Variants in EPHA3 observed in about 807,000 individuals in gnomAD.
EPHA3 encodes the protein ephrin type-A receptor 3.
EPHA3 carries 42 observed loss-of-function variants against 107.1 expected under a neutral mutation model. The observed-to-expected ratio is 0.39, with a 90% CI of 0.31 to 0.51. The LOEUF (loss-of-function observed/expected upper bound fraction) is 0.51, where lower values mean the gene tolerates loss of function less well. Ranked by LOEUF, EPHA3 falls within the 20% of genes least tolerant of loss-of-function variation. The pLI is 0.78. For missense variants in EPHA3, 1,183 were observed against 1,211.2 expected, an observed-to-expected ratio of 0.98 and a Z score of 0.35; for synonymous variants, 461 against 424.8, an observed-to-expected ratio of 1.09 and a Z score of -1.05.
chr3:89,237,313 A>G (rs1325118803), intron 3 of EPHA3, among the ~76,000 whole-genome samples: 1 of 152,164 alleles, frequency 6.6e-6, no homozygotes, highest in Admixed American at 6.5e-5. Context: ...AGAGGCTGCA[A>G]TGAGCCGAGA....
intron 5 of EPHA3, among the ~76,000 whole-genome samples, chr3:89,351,297 A>G (rs1347647773): frequency 6.6e-6 from 1 of 151,374 alleles, no homozygotes; most frequent in Non-Finnish European, 1.5e-5. Context: ...CCTCTGAGCC[A>G]GGTGTGGGAT....
In EPHA3 at chr3:89,341,051, C is replaced by A. The variant is rs1167543166; in HGVS notation, c.950C>A (p.Pro317His). 6.2e-7 allele frequency: 1 copy of A among 1,613,812 alleles called. No homozygotes were observed. Among genetic ancestry groups the A allele is most frequent in the Non-Finnish European group, 8.5e-7 (1 of 1,179,924 alleles). ...AATTACTTCCGGGCAGACAAAGACC[C>A]TCCATCCATGGCTTGTACCCGTGAG... is the stretch of plus-strand genomic sequence containing the variant. ...ENNYFRADKD[P>H]PSMACTRPPS... The change falls in exon 4 of 17, where the codon CCT becomes CAT. Residue 317 changes from proline to histidine, a missense_variant. By Grantham distance (77) the Pro-to-His change is moderately conservative (BLOSUM62 -2). Transcript: ENST00000336596.
chr3:89,155,993 A>G (rs1369534434), intron 2 of EPHA3, among the ~76,000 whole-genome samples: 1 of 152,042 alleles, frequency 6.6e-6, no homozygotes, highest in Non-Finnish European at 1.5e-5. Flanking sequence ...AAAAGAAATA[A>G]CAGTCTTTAT....
chr3:89,124,729 C>T (rs1316877236), intron 1 of EPHA3, among the ~76,000 whole-genome samples: 1 of 151,958 alleles, frequency 6.6e-6, no homozygotes, highest in Non-Finnish European at 1.5e-5. Context: ...ATTACAGCAA[C>T]ATTGCAAGAT....
At chr3:89,203,387 A>G (rs1238228635) in intron 2 of EPHA3, among the ~76,000 whole-genome samples, 1 of 151,952 alleles carries the variant, frequency 6.6e-6, no homozygotes, top group Non-Finnish European at 1.5e-5. Flanking sequence ...AACAGACTTA[A>G]AGGTATGAGA....
At chr3:89,320,191 A>G (rs1313620315) in intron 3 of EPHA3, among the ~76,000 whole-genome samples, 2 of 152,036 alleles carry the variant, frequency 1.3e-5, no homozygotes, top group Non-Finnish European at 2.9e-5. Context: ...GAATTCAAAA[A>G]GAAAATAATA....
intron 2 of EPHA3, among the ~76,000 whole-genome samples, chr3:89,190,905 T>G (rs34026076): frequency 0.53 from 80,424 of 151,958 alleles, 22,296 homozygotes; most frequent in Admixed American, 0.64. Context: ...TAACTTCATT[T>G]TCATTTAATT....
intron 5 of EPHA3, among the ~76,000 whole-genome samples, chr3:89,369,002 A>G (rs79047501): frequency 0.015 from 2,330 of 150,520 alleles, 60 homozygotes; most frequent in African/African-American, 0.053. Context: ...CTGACTCACA[A>G]TTTGAACTCA....
chr3:89,406,202 T>C (rs1315110183), intron 7 of EPHA3, among the ~76,000 whole-genome samples: 7 of 152,190 alleles, frequency 4.6e-5, no homozygotes, highest in African/African-American at 1.2e-4. Flanking sequence ...GGTTATTTTA[T>C]ATTTATGGTC....
chr3:89,419,934 G>A (rs927463461), intron 11 of EPHA3, among the ~76,000 whole-genome samples: 4 of 151,316 alleles, frequency 2.6e-5, no homozygotes, highest in Admixed American at 1.3e-4. Flanking sequence ...AAATAGTTCT[G>A]ATCTAGAAAC....
At position 89,137,310 on chromosome 3, in the gene EPHA3, A is replaced by G. The variant is rs150722852; in HGVS notation, c.153+10037A>G. Among the ~76,000 whole-genome samples, 35 of 152,120 alleles carry G rather than the reference A, an allele frequency of 2.3e-4. No individual in the cohort carries two copies. In the East Asian group the frequency reaches 6.4e-3, roughly 28 times the overall value. ...CAACTGTTTCATTCCATTACGTGTAAAACAAGAATTTATAAAAATAATTCA... is the reference window on the plus strand; with the variant it reads ...CAACTGTTTCATTCCATTACGTGTAGAACAAGAATTTATAAAAATAATTCA... On this transcript the variant is annotated intron_variant, in intron 2 of 16. Transcript: ENST00000336596.
chr3:89,174,440 C>T (rs546164558), intron 2 of EPHA3, among the ~76,000 whole-genome samples: 4 of 152,036 alleles, frequency 2.6e-5, no homozygotes, highest in South Asian at 4.1e-4. Context: ...ATACAATGAG[C>T]TTATTATCTG....
chr3:89,445,208 G>A (rs1384271245), intron 13 of EPHA3, among the ~76,000 whole-genome samples: 1 of 152,132 alleles, frequency 6.6e-6, no homozygotes, highest in Non-Finnish European at 1.5e-5. Context: ...GGAGGTTGCA[G>A]TGAGCCGAGA....
intron 3 of EPHA3, among the ~76,000 whole-genome samples, chr3:89,267,178 G>A (rs1705557913): frequency 6.6e-6 from 1 of 152,028 alleles, no homozygotes. Context: ...AAACAAATCA[G>A]GAGCAGTGGG....
At chr3:89,390,562 C>T (rs866122079) in intron 5 of EPHA3, among the ~76,000 whole-genome samples, 30 of 149,416 alleles carry the variant, frequency 2.0e-4, no homozygotes, top group Middle Eastern at 3.6e-3. Context: ...ATCGTGCCAC[C>T]GCACTCCAGC....
intron 13 of EPHA3, among the ~76,000 whole-genome samples, chr3:89,432,494 T>A (rs1408867895): frequency 2.6e-5 from 4 of 152,116 alleles, no homozygotes; most frequent in Non-Finnish European, 5.9e-5. Context: ...CAAGTGATTC[T>A]CCCGGGCTCA....
At chr3:89,211,609 T>C (rs1279681408) in intron 3 of EPHA3, among the ~76,000 whole-genome samples, 2 of 151,994 alleles carry the variant, frequency 1.3e-5, no homozygotes, top group Non-Finnish European at 2.9e-5. Context: ...CAGAACATAA[T>C]ATTTTGCTTT....
At chr3:89,135,344 C>G (rs961645478) in intron 2 of EPHA3, among the ~76,000 whole-genome samples, 1 of 152,146 alleles carries the variant, frequency 6.6e-6, no homozygotes, top group African/African-American at 2.4e-5. Context: ...TTTGATTGAT[C>G]TTTATTTCAG....
intron 13 of EPHA3, among the ~76,000 whole-genome samples, chr3:89,433,463 A>T (rs576176438): frequency 6.6e-6 from 1 of 152,302 alleles, no homozygotes; most frequent in East Asian, 1.9e-4. Flanking sequence ...AATAATAATG[A>T]CACAATGCTG....
Sources: allele counts gnomAD v4.1 joint callset (sites outside exome capture counted in the v4.1 genomes callset), GRCh38; gene constraint gnomAD v4.1.1; transcripts MANE v1.5; gene names NCBI Gene and HGNC (gene_info 2026-07-23, HGNC 2026-07-21).